Variants in SRPK2 observed in about 807,000 individuals in gnomAD.
The protein encoded by SRPK2 is SFRS protein kinase 2.
SRPK2 carries 21 observed loss-of-function variants against 90.8 expected under a neutral mutation model. That is an observed-to-expected ratio of 0.23 (90% CI 0.16 to 0.33). The LOEUF is 0.33. Among genes scored for constraint, SRPK2 ranks in the 10% least tolerant of loss-of-function variants. The probability of loss-of-function intolerance (pLI) is 1.00; values close to 1 mark genes in which losing one functional copy is unlikely to be tolerated. For synonymous variants in SRPK2, 288 were observed against 311.1 expected (o/e 0.93, Z 0.78); for missense variants, 620 against 869.0 (o/e 0.71, Z 3.60).
At chr7:105,213,793 T>C (rs1219102061) in intron 2 of SRPK2, among the ~76,000 whole-genome samples, 1 of 152,184 alleles carries the variant, frequency 6.6e-6, no homozygotes, top group African/African-American at 2.4e-5. Context: ...AGACTTATAT[T>C]GGTGAAAGTT....
intron 2 of SRPK2, among the ~76,000 whole-genome samples, chr7:105,323,967 TTGTGTGTGTGTGTGTGTGTGTGTGTGTG>T (rs58288208): frequency 3.0e-5 from 4 of 133,898 alleles, no homozygotes; most frequent in Middle Eastern, 3.9e-3. Flanking sequence ...AGACTATTCT[TTGTGTGTGTGTGTGTGTGTGTGTGTGTG>T]TGTGTGTGTG....
chr7:105,285,068 A>G (rs1301130621), intron 2 of SRPK2, among the ~76,000 whole-genome samples: 1 of 152,136 alleles, frequency 6.6e-6, no homozygotes, highest in African/African-American at 2.4e-5. Flanking sequence ...CCATGTACTG[A>G]GTTGCTGGTT....
chr7:105,293,580 C>T (rs146844679), intron 2 of SRPK2, among the ~76,000 whole-genome samples: 221 of 151,824 alleles, frequency 1.5e-3, no homozygotes, highest in African/African-American at 5.1e-3. Context: ...CCATCACACT[C>T]GGCTGATTGT....
At chr7:105,241,061 T>C (rs116347700) in intron 2 of SRPK2, among the ~76,000 whole-genome samples, 1 of 152,136 alleles carries the variant, frequency 6.6e-6, no homozygotes, top group African/African-American at 2.4e-5. Flanking sequence ...TGTCAGAAAA[T>C]AAAATAAATT....
chr7:105,390,607 G>GTTTTTT (rs869259356), upstream of SRPK2, among the ~76,000 whole-genome samples: 618 of 108,664 alleles, frequency 5.7e-3, 2 homozygotes, highest in East Asian at 0.012. Flanking sequence ...TTTTGTTTTT[G>GTTTTTT]TTTTTTTTTT....
intron 7 of SRPK2, among the ~76,000 whole-genome samples, chr7:105,149,106 G>T (rs1381099666): frequency 2.0e-5 from 3 of 152,176 alleles, no homozygotes; most frequent in Non-Finnish European, 4.4e-5. Flanking sequence ...TGCTGAGATG[G>T]ATTAGTAAAA....
rs142845796 is a variant in SRPK2 at position 105,336,865 on chromosome 7, C to A, written c.71+51783G>T. Among the ~76,000 whole-genome samples, 15 of 152,068 alleles carry A rather than the reference C, an allele frequency of 9.9e-5. No homozygotes were observed. The East Asian group carries it at 2.7e-3, about 28-fold the overall frequency. On this transcript the variant is annotated intron_variant, in intron 2 of 15. Coordinates refer to ENST00000393651, the MANE Select transcript of SRPK2 (RefSeq NM_182692.3). Reference sequence around the variant, plus strand: ...TTGCCCAGGCTGGAGTGCAATGGTGCCATTTTGGCTCACTGCAACCTCTGA... The same window carrying A: ...TTGCCCAGGCTGGAGTGCAATGGTGACATTTTGGCTCACTGCAACCTCTGA...
intron 3 of SRPK2, among the ~76,000 whole-genome samples, chr7:105,190,458 G>A (rs549798569): frequency 6.6e-6 from 1 of 151,660 alleles, no homozygotes; most frequent in Admixed American, 6.6e-5. Flanking sequence ...ATTTCTCAAA[G>A]GCTTGTCATT....
intron 2 of SRPK2, among the ~76,000 whole-genome samples, chr7:105,388,302 A>G (rs1447835888): frequency 6.6e-6 from 1 of 151,176 alleles, no homozygotes; most frequent in Non-Finnish European, 1.5e-5. Context: ...CCCCTTCCGG[A>G]AAGGGCCGCG....
At chr7:105,329,665 T>C (rs1334098963) in intron 2 of SRPK2, among the ~76,000 whole-genome samples, 1 of 148,834 alleles carries the variant, frequency 6.7e-6, no homozygotes, top group Non-Finnish European at 1.5e-5. Flanking sequence ...GTACAGAAAA[T>C]GAAGTGACAC....
At chr7:105,271,799 T>A (rs1805868651) in intron 2 of SRPK2, among the ~76,000 whole-genome samples, 1 of 152,218 alleles carries the variant, frequency 6.6e-6, no homozygotes, top group African/African-American at 2.4e-5. Context: ...TAGTCAGTTG[T>A]TTTGGAATTT....
intron 2 of SRPK2, among the ~76,000 whole-genome samples, chr7:105,284,067 T>C (rs1807706798): frequency 6.6e-6 from 1 of 152,146 alleles, no homozygotes; most frequent in Admixed American, 6.5e-5. Context: ...GTTTGTTTTT[T>C]TTGTTTGTTT....
At chr7:105,118,699 C>G (rs1799909608) in intron 15 of SRPK2, among the ~76,000 whole-genome samples, 1 of 152,148 alleles carries the variant, frequency 6.6e-6, no homozygotes, top group Non-Finnish European at 1.5e-5. Flanking sequence ...AGGAGGATCC[C>G]TTGAGCCCAT....
intron 15 of SRPK2, among the ~76,000 whole-genome samples, chr7:105,121,300 G>A (rs1195143360): frequency 6.6e-6 from 1 of 150,448 alleles, no homozygotes; most frequent in East Asian, 1.9e-4. Flanking sequence ...AGCCAAGATA[G>A]CATCACTACA....
intron 2 of SRPK2, among the ~76,000 whole-genome samples, chr7:105,350,195 A>G (rs1339743993): frequency 6.8e-6 from 1 of 147,378 alleles, no homozygotes; most frequent in Non-Finnish European, 1.5e-5. Context: ...CAGTGGCTCA[A>G]TCTCAGCTCA....
upstream of SRPK2, chr7:105,388,958 A>T: frequency 8.7e-7 from 1 of 1,150,598 alleles, no homozygotes; most frequent in Non-Finnish European, 1.1e-6. Flanking sequence ...GCAGGGACCC[A>T]GCAAGACCCG....
At chr7:105,126,036 G>A in intron 15 of SRPK2, among the ~76,000 whole-genome samples, 1 of 152,186 alleles carries the variant, frequency 6.6e-6, no homozygotes, top group East Asian at 1.9e-4. Flanking sequence ...ATCCAGAGCT[G>A]GAGGGCACAG....
At position 105,203,723 on chromosome 7, in the gene SRPK2, G is replaced by A. The variant is rs774095554; in HGVS notation, c.134C>T (p.Pro45Leu). 6.4e-6 allele frequency: 10 copies of A among 1,572,276 alleles called. No homozygotes were observed. Among genetic ancestry groups the A allele is most frequent in the East Asian group, 4.7e-5 (2 of 42,996 alleles). ...PPPPPPPPPP[P>L]PPLPDPTPPE... ...GGGTGTGGGGTCTGGCAAAGGTGGC[G>A]GTGGTGGTGGTGGTGGCGGTGGAGG... Residue 45 changes from proline (P) to leucine (L), a missense_variant, in exon 3 of 16, where the codon CCG becomes CTG. By Grantham distance (98) the Pro-to-Leu change is moderately conservative (BLOSUM62 -3). This residue lies in a region of SRPK2 where 196 missense variants were observed against 339.2 expected (regional missense o/e 0.58). Transcript: ENST00000393651.
At position 105,137,976 on chromosome 7, in the gene SRPK2, G is replaced by A. The variant is rs528478596; in HGVS notation, c.1543+4032C>T. Among the ~76,000 whole-genome samples, 7 of 152,228 alleles carry A rather than the reference G, an allele frequency of 4.6e-5. No homozygotes were observed. The East Asian group carries it at 1.2e-3, about 25-fold the overall frequency. On this transcript the variant is annotated intron_variant, in intron 11 of 15. Coordinates refer to ENST00000393651, the MANE Select transcript of SRPK2 (RefSeq NM_182692.3). ...CTTGCTTATCAAATGGCCAAGCTGC[G>A]GGCGAAAACTGAGTGCTTCCAAACA...
Sources: allele counts gnomAD v4.1 joint callset (sites outside exome capture counted in the v4.1 genomes callset), GRCh38; gene constraint gnomAD v4.1.1; regional missense constraint gnomAD v4.1.1; transcripts MANE v1.5; gene names NCBI Gene and HGNC (gene_info 2026-07-23, HGNC 2026-07-21).